Variants in AGR2 observed in about 807,000 individuals in gnomAD.
AGR2 encodes the protein anterior gradient protein 2 homolog.
AGR2 carries 27 observed loss-of-function variants against 25.9 expected under a neutral mutation model. The ratio of observed to expected loss-of-function variants is 1.04; its 90% CI spans 0.77 to 1.44. The LOEUF is 1.44. Among genes scored for constraint, AGR2 ranks in the 40% most tolerant of loss-of-function variants. The probability of loss-of-function intolerance (pLI) is 0.00; values close to 1 mark genes in which losing one functional copy is unlikely to be tolerated. For missense variants in AGR2, 182 were observed against 200.9 expected (o/e 0.91, Z 0.57); for synonymous variants, 78 against 72.0 (o/e 1.08, Z -0.42).
At position 16,797,682 on chromosome 7, in the gene AGR2, C is replaced by T; in HGVS notation, c.343G>A (p.Asp115Asn). The change falls in exon 6 of 8, where the codon GAC (aspartate) becomes AAC (asparagine). Residue 115 changes from aspartate to asparagine, a missense_variant. By Grantham distance (23) the Asp-to-Asn change is conservative. Coordinates refer to ENST00000419304, the MANE Select transcript of AGR2 (RefSeq NM_006408.4). ...VLLNLVYETT[D>N]KHLSPDGQYV... ...TGGCCATCAGGAGAAAGGTGTTTGT[C>T]AGTTGTTTCATACTAAAATAAAAAG... is the stretch of plus-strand genomic sequence containing the variant. 1 of 1,613,576 alleles carries T rather than the reference C, an allele frequency of 6.2e-7. No homozygotes were observed. Among genetic ancestry groups the T allele is most frequent in the South Asian group, 1.1e-5 (1 of 90,958 alleles).
chr7:16,801,695 C>T lies in AGR2; in HGVS notation c.102G>A (p.Lys34=). The change falls in exon 2 of 8, where the codon AAG becomes AAA. Residue 34 remains lysine, a synonymous_variant. Coordinates refer to ENST00000419304, the MANE Select transcript of AGR2 (RefSeq NM_006408.4). ...TVKPGAKKDT[K]DSRPKLPQTL... is the part of the protein sequence containing the mutation. ...TCTGGGGCAGTTTGGGTCGAGAGTC[C>T]TTTGTGTCCTTTTTGGCTCCAGGTT... 6.2e-7 allele frequency: 1 copy of T among 1,613,638 alleles called. No homozygotes were observed. Among genetic ancestry groups the T allele is most frequent in the Admixed American group, 1.7e-5 (1 of 59,948 alleles).
chr7:16,795,222 G>T (rs1002589968), intron 6 of AGR2, among the ~76,000 whole-genome samples: 1 of 152,026 alleles, frequency 6.6e-6, no homozygotes, highest in Non-Finnish European at 1.5e-5. Context: ...AACATCAACA[G>T]CTGTGCAGTG....
Position 16,801,678 on chromosome 7 carries a change from A to G in AGR2, c.119T>C (p.Leu40Pro). The change falls in exon 2 of 8, where the codon CTG (leucine) becomes CCG (proline). Residue 40 changes from leucine to proline, a missense_variant. Leu to Pro is a moderately conservative substitution (Grantham distance 98). Transcript: ENST00000419304. ...KKDTKDSRPKLPQTLSRGWGD... is the reference protein window; with the variant it reads ...KKDTKDSRPKPPQTLSRGWGD... ...CCTACCTCTGGAGAGGGTCTGGGGC[A>G]GTTTGGGTCGAGAGTCCTTTGTGTC... 6.2e-7 allele frequency: 1 copy of G among 1,613,790 alleles called. No individual in the cohort carries two copies.
intron 5 of AGR2, among the ~76,000 whole-genome samples, chr7:16,798,078 T>A (rs746121891): frequency 1.3e-5 from 2 of 152,208 alleles, no homozygotes; most frequent in Non-Finnish European, 2.9e-5. Flanking sequence ...TTTATCAATT[T>A]TTATTTAGAA....
chr7:16,801,124 G>T lies in AGR2; in HGVS notation c.256+27C>A, dbSNP rs762816209. On this transcript the variant is annotated intron_variant, in intron 4 of 7. Transcript: ENST00000419304. ...GCCCTAAGGCTAAAAGCCTATAAAGGAAATCATACTTAGAAGAATAAATTA... is the reference window on the plus strand; with the variant it reads ...GCCCTAAGGCTAAAAGCCTATAAAGTAAATCATACTTAGAAGAATAAATTA... 3.7e-6 allele frequency: 6 copies of T among 1,603,222 alleles called. No homozygotes were observed. The South Asian group carries it at 6.6e-5, about 18-fold the overall frequency.
At chr7:16,793,046 T>G (rs1784988609) in intron 7 of AGR2, 89 bp from the exon 8 acceptor site, 2 of 1,259,012 alleles carry the variant, frequency 1.6e-6, no homozygotes, top group Non-Finnish European at 2.3e-6. Context: ...CAATTCATTA[T>G]TTAATGGGAT....
At chr7:16,802,977 C>T (rs1308266349) in intron 1 of AGR2, among the ~76,000 whole-genome samples, 3 of 151,934 alleles carry the variant, frequency 2.0e-5, no homozygotes, top group African/African-American at 7.3e-5. Context: ...GGGCTACAGG[C>T]ACGTGCCAGC....
At chr7:16,797,541 G>GC in intron 6 of AGR2, 90 bp downstream of exon 6, 3 of 1,092,194 alleles carry the variant, frequency 2.7e-6, no homozygotes, top group Non-Finnish European at 4.1e-6. Context: ...ATTGGCCATG[G>GC]CAACGTGGCA....
At chr7:16,803,413 T>C (rs1785182295) in intron 1 of AGR2, among the ~76,000 whole-genome samples, 1 of 152,212 alleles carries the variant, frequency 6.6e-6, no homozygotes, top group African/African-American at 2.4e-5. Context: ...TGAATGGTTT[T>C]GAATGAAGTC....
At chr7:16,794,738 T>G in intron 7 of AGR2, 198 bp downstream of exon 7, 178 of 1,348,838 alleles carry the variant, frequency 1.3e-4, no homozygotes, top group Non-Finnish European at 1.6e-4. Flanking sequence ...CATCTTCAAT[T>G]GAGATTAAAA....
chr7:16,794,378 G>C (rs1418374865), intron 7 of AGR2, among the ~76,000 whole-genome samples: 1 of 152,174 alleles, frequency 6.6e-6, no homozygotes, highest in Non-Finnish European at 1.5e-5. Flanking sequence ...AGATGTCACA[G>C]CTAGCTACAG....
chr7:16,803,650 C>T (rs1185215913), intron 1 of AGR2, among the ~76,000 whole-genome samples: 1 of 152,110 alleles, frequency 6.6e-6, no homozygotes, highest in South Asian at 2.1e-4. Context: ...CAGGGATATA[C>T]TTTGTTCATT....
chr7:16,795,084 C>T, intron 6 of AGR2, 65 bp from the exon 7 acceptor site: 1 of 1,551,658 alleles, frequency 6.4e-7, no homozygotes, highest in Non-Finnish European at 8.9e-7. Flanking sequence ...GTATTTATTG[C>T]CCCGGGGAGC....
At chr7:16,799,988 A>G (rs1785114300) in intron 4 of AGR2, among the ~76,000 whole-genome samples, 171 bp from the exon 5 acceptor site, 1 of 152,164 alleles carries the variant, frequency 6.6e-6, no homozygotes, top group Non-Finnish European at 1.5e-5. Flanking sequence ...GGCATTGACT[A>G]CCTCTGCTTT....
chr7:16,801,050 T>C, intron 4 of AGR2, 101 bp downstream of exon 4: 1 of 821,512 alleles, frequency 1.2e-6, no homozygotes, highest in South Asian at 1.9e-5. Context: ...ATTCTTTCTT[T>C]AATGCAACTG....
intron 2 of AGR2, 90 bp from the exon 3 acceptor site, chr7:16,801,473 C>T (rs777375305): frequency 5.2e-6 from 7 of 1,343,032 alleles, no homozygotes; most frequent in African/African-American, 1.5e-5. Flanking sequence ...GGATAATAGA[C>T]CCTATACTAA....
intron 7 of AGR2, 94 bp from the exon 8 acceptor site, chr7:16,793,051 T>A: frequency 8.1e-7 from 1 of 1,229,222 alleles, no homozygotes; most frequent in South Asian, 1.3e-5. Flanking sequence ...CATTATTTAA[T>A]GGGATGCTTT....
intron 6 of AGR2, among the ~76,000 whole-genome samples, chr7:16,795,307 G>A (rs1033109591): frequency 6.8e-6 from 1 of 146,958 alleles, no homozygotes; most frequent in Non-Finnish European, 1.5e-5. Flanking sequence ...TATATTTAGG[G>A]GTGACATGGT....
At chr7:16,795,516 A>G (rs537955523) in intron 6 of AGR2, among the ~76,000 whole-genome samples, 7 of 152,216 alleles carry the variant, frequency 4.6e-5, no homozygotes, top group Non-Finnish European at 8.8e-5. Context: ...AAATAAGCAT[A>G]TAGTACCTTC....
Sources: allele counts gnomAD v4.1 joint callset (sites outside exome capture counted in the v4.1 genomes callset), GRCh38; gene constraint gnomAD v4.1.1; transcripts MANE v1.5; gene names NCBI Gene and HGNC (gene_info 2026-07-23, HGNC 2026-07-21).